The following CACNA1A variants were observed in gnomAD, a reference collection of about 807,000 sequenced individuals.
CACNA1A encodes calcium voltage-gated channel subunit alpha1 A.
Under a neutral mutation model 262.4 loss-of-function variants are expected in CACNA1A, and 57 were observed. That is an observed-to-expected ratio of 0.22 (90% CI 0.18 to 0.27). The LOEUF is 0.27. Among genes scored for constraint, CACNA1A ranks in the 10% least tolerant of loss-of-function variants. The probability of loss-of-function intolerance (pLI) is 1.00; values close to 1 mark genes in which losing one functional copy is unlikely to be tolerated. For synonymous variants in CACNA1A, 1,431 were observed against 1,419.3 expected (o/e 1.01, Z -0.18); for missense variants, 2,526 against 3,562.8 (o/e 0.71, Z 7.41).
intron 11 of CACNA1A, among the ~76,000 whole-genome samples, chr19:13,313,182 A>G (rs1432313324): frequency 6.6e-6 from 1 of 151,886 alleles, no homozygotes; most frequent in Non-Finnish European, 1.5e-5. Flanking sequence ...TGTCCTTCCC[A>G]TGGGCCTCAG....
intron 38 of CACNA1A, 90 bp downstream of exon 38, chr19:13,224,577 G>T: frequency 1.2e-6 from 1 of 822,144 alleles, no homozygotes; most frequent in Non-Finnish European, 2.0e-6. Context: ...TCCGGGTGGT[G>T]ACAGCAGATC....
At chr19:13,276,116 G>T (rs548037614) in intron 23 of CACNA1A, among the ~76,000 whole-genome samples, 160 bp from the exon 24 acceptor site, 53 of 152,256 alleles carry the variant, frequency 3.5e-4, no homozygotes, top group Admixed American at 1.3e-3. Context: ...GGAGGAGTGG[G>T]GAGCCCCTGC....
At chr19:13,452,804 G>T in intron 3 of CACNA1A, 72 bp downstream of exon 3, 1 of 1,477,384 alleles carries the variant, frequency 6.8e-7, no homozygotes, top group Non-Finnish European at 9.3e-7. Flanking sequence ...AGCCTGGCCC[G>T]GACCACACCA....
At chr19:13,346,481 G>A (rs916850507) in intron 6 of CACNA1A, among the ~76,000 whole-genome samples, 1 of 150,986 alleles carries the variant, frequency 6.6e-6, no homozygotes, top group Non-Finnish European at 1.5e-5. Context: ...GATTACAAGT[G>A]TGAGCCATCA....
At chr19:13,288,240 TTC>T (rs1386176869) in intron 19 of CACNA1A, among the ~76,000 whole-genome samples, 2 of 126,490 alleles carry the variant, frequency 1.6e-5, no homozygotes, top group Admixed American at 1.6e-4. Context: ...TTTTTCTTTT[TTC>T]TTTTTTTTTT....
At chr19:13,233,597 C>T (rs1293359074) in intron 34 of CACNA1A, among the ~76,000 whole-genome samples, 1 of 152,166 alleles carries the variant, frequency 6.6e-6, no homozygotes, top group Non-Finnish European at 1.5e-5. Context: ...GAGCAATCCT[C>T]CTGCCTCAGC....
At chr19:13,277,615 G>A (rs12978743) in intron 22 of CACNA1A, 26,994 of 156,850 alleles carry the variant, frequency 0.17, 2,733 homozygotes, top group Non-Finnish European at 0.23. Flanking sequence ...TTCAAGGCCA[G>A]GCCCCTGCCA....
intron 9 of CACNA1A, 149 bp from the exon 10 acceptor site, chr19:13,330,482 G>A: frequency 1.5e-6 from 1 of 688,628 alleles, no homozygotes; most frequent in Non-Finnish European, 2.6e-6. Context: ...TGTGTAAACT[G>A]AGGTTCAAGG....
At chr19:13,415,613 C>T (rs769299641) in intron 3 of CACNA1A, among the ~76,000 whole-genome samples, 10 of 151,650 alleles carry the variant, frequency 6.6e-5, no homozygotes, top group Admixed American at 3.9e-4. Flanking sequence ...TGGTGGTGCA[C>T]GCCTGTAGTC....
In CACNA1A at chr19:13,424,083, T is replaced by C. The variant is rs560920804; in HGVS notation, c.539+28793A>G. On this transcript the variant is annotated intron_variant, in intron 3 of 46. Transcript: ENST00000360228. Reference sequence around the variant, plus strand: ...AAAACAGCTGGCCAGGCGTGGTGGCTTACGTCTGTAATCTCAGCACTTTGG... The same window carrying C: ...AAAACAGCTGGCCAGGCGTGGTGGCCTACGTCTGTAATCTCAGCACTTTGG... Among the ~76,000 whole-genome samples, 11 of 152,238 alleles carry C rather than the reference T, an allele frequency of 7.2e-5. No homozygotes were observed. The East Asian group carries it at 1.7e-3, about 24-fold the overall frequency.
chr19:13,238,848 A>C (rs2055970583), intron 31 of CACNA1A, among the ~76,000 whole-genome samples: 1 of 152,028 alleles, frequency 6.6e-6, no homozygotes, highest in African/African-American at 2.4e-5. Flanking sequence ...CAGCCTCCCA[A>C]AGTGCTGGGA....
chr19:13,277,043 T>C, intron 23 of CACNA1A, 26 bp downstream of exon 23: 3 of 1,556,588 alleles, frequency 1.9e-6, no homozygotes, highest in Non-Finnish European at 1.8e-6. Flanking sequence ...AATTACCGTG[T>C]GTTCTCACTT....
chr19:13,404,191 C>T (rs112667944), intron 3 of CACNA1A, among the ~76,000 whole-genome samples: 2,933 of 146,850 alleles, frequency 0.02, 44 homozygotes, highest in Non-Finnish European at 0.031. Flanking sequence ...TACACATATA[C>T]ACACACACAC....
chr19:13,330,111 G>A (rs1600346378), intron 10 of CACNA1A, 133 bp downstream of exon 10: 3 of 619,154 alleles, frequency 4.8e-6, no homozygotes, highest in Non-Finnish European at 8.7e-6. Context: ...CAGGACACAC[G>A]CACAGGTGGG....
chr19:13,237,739 AAC>A (rs1249580248), intron 31 of CACNA1A, among the ~76,000 whole-genome samples: 2 of 152,170 alleles, frequency 1.3e-5, no homozygotes, highest in Non-Finnish European at 2.9e-5. Context: ...CAGCTTGGCT[AAC>A]AGAGTCACTC....
At chr19:13,210,022 C>T (rs576051947) in intron 44 of CACNA1A, among the ~76,000 whole-genome samples, 17 of 151,972 alleles carry the variant, frequency 1.1e-4, no homozygotes, top group African/African-American at 4.1e-4. Context: ...GGGCTGTGCT[C>T]GCTGCCCCCA....
intron 3 of CACNA1A, among the ~76,000 whole-genome samples, chr19:13,393,276 GCA>G (rs2059741975): frequency 6.6e-6 from 1 of 152,188 alleles, no homozygotes; most frequent in South Asian, 2.1e-4. Flanking sequence ...AGGTGGTTCA[GCA>G]CACACAGCGA....
Position 13,227,760 on chromosome 19 carries a change from C to G in CACNA1A, c.5529-233G>C, listed in dbSNP as rs772528101. The G allele has an allele frequency of 1.4e-5, 4 of 289,566 alleles. No individual in the cohort carries two copies. The East Asian group carries it at 2.3e-4, about 17-fold the overall frequency. 17.9% of individuals were successfully genotyped at this position (289,566 alleles called of 1,614,324 possible). A position where few individuals can be genotyped will look rare whatever the true frequency, so the allele number is the denominator to read the frequency against. ...AGAAAAGGTCAGTAAAAAAAGATTA[C>G]TTCACTGCTCGGGAGCAGGGAGAGA... On this transcript the variant is annotated intron_variant, in intron 36 of 46. Coordinates refer to ENST00000360228, the MANE Select transcript of CACNA1A (RefSeq NM_001127222.2).
Position 13,455,858 on chromosome 19 carries a change from A to C in CACNA1A, c.294-646T>G, listed in dbSNP as rs1445733791. Among the ~76,000 whole-genome samples, 8 of 138,996 alleles carry C rather than the reference A, an allele frequency of 5.8e-5. No individual in the cohort carries two copies. In the Admixed American group the frequency reaches 6.1e-4, roughly 11 times the overall value. 91.2% of individuals were successfully genotyped at this position (138,996 alleles called of 152,430 possible). ...GCACTCCAGCCTGGGTGACAGAAGG[A>C]GGCCCTGTCTCAAAAAAAAAAAAAA... On this transcript the variant is annotated intron_variant, in intron 1 of 46. Transcript: ENST00000360228.
Sources: gnomAD v4.1 joint callset for allele counts (sites outside exome capture counted in the v4.1 genomes callset) on GRCh38, gnomAD v4.1.1 for gene constraint, MANE v1.5 for transcripts, NCBI Gene and HGNC (gene_info 2026-07-23, HGNC 2026-07-21) for gene names.